Variants in C6orf52 observed in about 807,000 individuals in gnomAD.
C6orf52 encodes putative uncharacterized protein C6orf52.
Under a neutral mutation model 16.6 loss-of-function variants are expected in C6orf52, and 16 were observed. The observed-to-expected ratio is 0.96, with a 90% CI of 0.65 to 1.46. C6orf52 has a LOEUF of 1.46. Ranked by LOEUF, C6orf52 falls within the 40% of genes most tolerant of loss-of-function variation. C6orf52 has a pLI of 0.00. For synonymous variants in C6orf52, 53 were observed against 61.4 expected, an observed-to-expected ratio of 0.86 and a Z score of 0.64; for missense variants, 166 against 182.3, an observed-to-expected ratio of 0.91 and a Z score of 0.52.
rs576339303 is a variant in C6orf52 at position 10,683,095 on chromosome 6, A to G, written c.316+92T>C. 26 of 833,932 alleles carry G rather than the reference A, an allele frequency of 3.1e-5. No individual in the cohort carries two copies. In the African/African-American group the frequency reaches 4.4e-4, roughly 14 times the overall value. The allele number at this position is 833,932 out of a possible 1,614,324, so 51.7% of individuals were successfully genotyped here. A position where few individuals can be genotyped will look rare whatever the true frequency, so the allele number is the denominator to read the frequency against. ...AGGCAACCTACATTGGAATTTTCCA[A>G]TAGAACCTTCCAGTTTCTAGCAAGC... On this transcript the variant is annotated intron_variant, in intron 4 of 4. Coordinates refer to ENST00000259983, the MANE Select transcript of C6orf52 (RefSeq NM_001145020.3).
rs561653358 is a variant in C6orf52 at position 10,671,483 on chromosome 6, G to A, written c.432C>T (p.Ser144=). 2,702 of 1,547,968 alleles carry A rather than the reference G, an allele frequency of 1.7e-3. 3 individuals carry two copies. The highest frequency in any genetic ancestry group is 2.2e-3 in the Non-Finnish European group (2,493 of 1,145,952). The change falls in exon 5 of 5, where the codon TCC becomes TCT. Residue 144 remains serine (S), a synonymous_variant. Transcript: ENST00000259983. ...ACTTCGGGGTCTCATCTGGGATTTC[G>A]GAGTGAACTGTGTCCAGAGGCTGCC... The part of the protein sequence containing the change: ...CHWQPLDTVH[S]EIPDETPK
chr6:10,685,252 A>G (rs1343527569), intron 3 of C6orf52, among the ~76,000 whole-genome samples: 1 of 151,840 alleles, frequency 6.6e-6, no homozygotes, highest in African/African-American at 2.4e-5. Flanking sequence ...CAAAAGAAAA[A>G]AAAAAAAAAA....
chr6:10,694,590 C>G lies in C6orf52; in HGVS notation c.-108G>C. 2 of 172,398 alleles carry G rather than the reference C, an allele frequency of 1.2e-5. No individual in the cohort carries two copies. Among genetic ancestry groups the G allele is most frequent in the South Asian group, 2.3e-4 (2 of 8,774 alleles). The allele number at this position is 172,398 out of a possible 1,614,324, so 10.7% of individuals were successfully genotyped here. Reference sequence around the variant, plus strand: ...ACAACAATGCACGCTGCCGGCGCTACAGCCCCTAAGCAACCGGCCGGAAGT... The same window carrying G: ...ACAACAATGCACGCTGCCGGCGCTAGAGCCCCTAAGCAACCGGCCGGAAGT... On this transcript the variant is annotated 5_prime_UTR_variant, in exon 1 of 5. Transcript: ENST00000259983.
chr6:10,675,853 C>T (rs565122383), intron 4 of C6orf52, among the ~76,000 whole-genome samples: 14 of 152,120 alleles, frequency 9.2e-5, no homozygotes, highest in African/African-American at 2.9e-4. Context: ...AAAAAATGGC[C>T]GGGCACGGTG....
Position 10,687,021 on chromosome 6 carries a change from C to T in C6orf52, c.215G>A (p.Cys72Tyr), listed in dbSNP as rs1384284358. Reference protein sequence around the residue: ...GCAVDGNGKDCFSAHETPEHT... With the variant: ...GCAVDGNGKDYFSAHETPEHT... ...TTCAGGGGTCTCATGCGCAGAAAAA[C>T]AGTCCTTTCCATTTCCATCCACTGC... The change falls in exon 3 of 5, where the codon TGT becomes TAT. Residue 72 changes from cysteine to tyrosine, a missense_variant. Cys to Tyr is a radical substitution (Grantham distance 194, BLOSUM62 -2). Coordinates refer to ENST00000259983, the MANE Select transcript of C6orf52 (RefSeq NM_001145020.3). 4 of 1,551,698 alleles carry T rather than the reference C, an allele frequency of 2.6e-6. No individual in the cohort carries two copies. Among genetic ancestry groups the T allele is most frequent in the East Asian group, 2.4e-5 (1 of 40,928 alleles).
intron 2 of C6orf52, 75 bp from the exon 3 acceptor site, chr6:10,687,239 G>T: frequency 1.8e-6 from 2 of 1,142,312 alleles, no homozygotes; most frequent in Non-Finnish European, 2.5e-6. Context: ...TTTCCAGGAA[G>T]TTTGCAGTAA....
chr6:10,684,801 AC>A, intron 3 of C6orf52: 1 of 1,180,614 alleles, frequency 8.5e-7, no homozygotes, highest in Non-Finnish European at 1.1e-6. Context: ...ATTGGAGAAG[AC>A]CAAAATGGGG....
chr6:10,694,724 G>T (rs753608052), upstream of C6orf52: 1 of 381,216 alleles, frequency 2.6e-6, no homozygotes, highest in Non-Finnish European at 4.8e-6. Context: ...ATGCCTGCTT[G>T]CCCCCGATTT....
intron 2 of C6orf52, 62 bp from the exon 3 acceptor site, chr6:10,687,226 T>G: frequency 7.9e-7 from 1 of 1,267,536 alleles, no homozygotes; most frequent in Admixed American, 2.4e-5. Context: ...AAACCCTTTC[T>G]TCTTTCCAGG....
intron 1 of C6orf52, among the ~76,000 whole-genome samples, chr6:10,689,009 AC>A (rs748026949): frequency 6.6e-5 from 10 of 150,496 alleles, no homozygotes; most frequent in Non-Finnish European, 1.3e-4. Flanking sequence ...ACAGGGTTTC[AC>A]CACATTGCCC....
intron 1 of C6orf52, among the ~76,000 whole-genome samples, chr6:10,692,428 C>T (rs747212236): frequency 6.6e-6 from 1 of 152,130 alleles, no homozygotes; most frequent in South Asian, 2.1e-4. Flanking sequence ...ATGAAGATAA[C>T]TAGCACAAAG....
At chr6:10,692,366 A>C (rs1769397098) in intron 1 of C6orf52, among the ~76,000 whole-genome samples, 1 of 152,218 alleles carries the variant, frequency 6.6e-6, no homozygotes, top group Admixed American at 6.5e-5. Context: ...TACACATTAC[A>C]AAAAAAGTAA....
chr6:10,680,610 G>A (rs1768293084), intron 4 of C6orf52, among the ~76,000 whole-genome samples: 1 of 151,740 alleles, frequency 6.6e-6, no homozygotes, highest in Non-Finnish European at 1.5e-5. Flanking sequence ...AATATCTGGG[G>A]GCTGGGCATG....
chr6:10,683,060 C>T lies in C6orf52; in HGVS notation c.316+127G>A, dbSNP rs1467898745. ...CTAAAAACAGGAGAAATTACTGAAG[C>T]ATATGGCTTAGGCAACCTACATTGG... On this transcript the variant is annotated intron_variant, in intron 4 of 4. Transcript: ENST00000259983. The T allele has an allele frequency of 8.7e-6, 5 of 574,950 alleles. No individual in the cohort carries two copies. The East Asian group carries it at 1.3e-4, about 15-fold the overall frequency. The allele number at this position is 574,950 out of a possible 1,614,324, so 35.6% of individuals were successfully genotyped here.
chr6:10,675,196 C>T (rs1581532142), intron 4 of C6orf52, among the ~76,000 whole-genome samples: 1 of 152,198 alleles, frequency 6.6e-6, no homozygotes, highest in Non-Finnish European at 1.5e-5. Flanking sequence ...CTCCCTGCAA[C>T]TACCCTAGCC....
chr6:10,675,803 T>C (rs1237102390), intron 4 of C6orf52, among the ~76,000 whole-genome samples: 3 of 152,166 alleles, frequency 2.0e-5, no homozygotes, highest in Non-Finnish European at 4.4e-5. Context: ...TTCTCATGCA[T>C]CTATTGGTCA....
rs368398201 is a variant in C6orf52, at chr6:10,688,399, G to A, written c.-11-838C>T. On this transcript the variant is annotated intron_variant, in intron 1 of 4. Coordinates refer to ENST00000259983, the MANE Select transcript of C6orf52 (RefSeq NM_001145020.3). ...TTCAGGATAACTTTTAAGTCCATATGGGGCACTTAGGGTTTGGCCATTTCC... is the reference window on the plus strand; with the variant it reads ...TTCAGGATAACTTTTAAGTCCATATAGGGCACTTAGGGTTTGGCCATTTCC... Among the ~76,000 whole-genome samples the A allele has an allele frequency of 3.3e-5, 5 of 152,258 alleles. 1 individual carries two copies. Among genetic ancestry groups the A allele is most frequent in the African/African-American group, 9.6e-5 (4 of 41,550 alleles).
intron 4 of C6orf52, among the ~76,000 whole-genome samples, chr6:10,677,682 T>C (rs1254308113): frequency 6.6e-6 from 1 of 151,520 alleles, no homozygotes; most frequent in Non-Finnish European, 1.5e-5. Flanking sequence ...CAGGCACGCA[T>C]GCCACTATGC....
chr6:10,693,283 C>T lies in C6orf52; in HGVS notation c.-12+1211G>A, dbSNP rs112857760. Among the ~76,000 whole-genome samples, 877 of 152,330 alleles carry T rather than the reference C, an allele frequency of 5.8e-3. 8 individuals carry two copies. Among genetic ancestry groups the T allele is most frequent in the African/African-American group, 0.02 (832 of 41,582 alleles). On this transcript the variant is annotated intron_variant, in intron 1 of 4. Transcript: ENST00000259983. ...CTTTGTTCAGGAGTGCTCTCACCAT[C>T]GTTCCATCTGCAATTGAGCACCCTT...
Sources: allele counts gnomAD v4.1 joint callset (sites outside exome capture counted in the v4.1 genomes callset), GRCh38; gene constraint gnomAD v4.1.1; transcripts MANE v1.5; gene names NCBI Gene and HGNC (gene_info 2026-07-23, HGNC 2026-07-21).